DENND4C: variants seen among roughly 807,000 people sequenced by gnomAD.
DENND4C encodes DENN domain-containing protein 4C.
DENND4C carries 108 observed loss-of-function variants against 203.0 expected under a neutral mutation model. The observed-to-expected ratio is 0.53, with a 90% CI of 0.46 to 0.62. The LOEUF is 0.62. DENND4C is among the 20% of genes least tolerant of loss of function. DENND4C has a pLI of 0.00. For synonymous variants in DENND4C, 871 were observed against 792.4 expected (o/e 1.10, Z -1.67); for missense variants, 2,481 against 2,301.2 (o/e 1.08, Z -1.60).
At position 19,346,728 on chromosome 9, in the gene DENND4C, A is replaced by G. The variant is rs140623138; in HGVS notation, c.3959A>G (p.His1320Arg). 22 of 1,614,216 alleles carry G rather than the reference A, an allele frequency of 1.4e-5. No homozygotes were observed. Among genetic ancestry groups the G allele is most frequent in the East Asian group, 4.5e-5 (2 of 44,876 alleles). Residue 1320 changes from histidine (H) to arginine (R), a missense_variant, in exon 23 of 33, where the codon CAT becomes CGT. Physicochemically the swap from His to Arg is conservative, Grantham distance 29. Transcript: ENST00000434457. The part of the protein sequence containing the change: ...RESGMTTAFI[H>R]ALERRSSLPL... ...TCTGGCATGACTACTGCATTTATTCATGCTCTAGAGAGGAGATCAAGCCTA... is the reference window on the plus strand; with the variant it reads ...TCTGGCATGACTACTGCATTTATTCGTGCTCTAGAGAGGAGATCAAGCCTA...
At position 19,372,314 on chromosome 9, in the gene DENND4C, T is replaced by A. The variant is rs1030061288; in HGVS notation, c.*141T>A. The stretch of plus-strand genomic sequence containing the variant: ...CTTGGGGACAATATATAATGAATTA[T>A]GATTCATATTGCATTACCTTGAAAT... On this transcript the variant is annotated 3_prime_UTR_variant, in exon 33 of 33. Transcript: ENST00000434457. 1.0e-6 allele frequency: 1 copy of A among 996,458 alleles called. No individual in the cohort carries two copies. Among genetic ancestry groups the A allele is most frequent in the Non-Finnish European group, 1.4e-6 (1 of 691,630 alleles). The allele number at this position is 996,458 out of a possible 1,614,324, so 61.7% of individuals were successfully genotyped here.
rs569320488 is a variant in DENND4C at position 19,273,881 on chromosome 9, C to G, written c.-17-2277C>G. Among the ~76,000 whole-genome samples the G allele has an allele frequency of 1.3e-3, 204 of 152,116 alleles. 4 individuals are homozygous for G. Among genetic ancestry groups the G allele is most frequent in the African/African-American group, 4.6e-3 (191 of 41,378 alleles). On this transcript the variant is annotated intron_variant, in intron 1 of 32. Coordinates refer to ENST00000434457, the MANE Select transcript of DENND4C (RefSeq NM_001330640.2). Reference sequence around the variant, plus strand: ...AGGTAGTTTTTTAGAACTATATACACCTAATCCAGCCATCCTGTTTTAGGA... The same window carrying G: ...AGGTAGTTTTTTAGAACTATATACAGCTAATCCAGCCATCCTGTTTTAGGA...
intron 1 of DENND4C, among the ~76,000 whole-genome samples, chr9:19,239,577 C>A (rs1023049453): frequency 2.0e-5 from 3 of 152,060 alleles, no homozygotes; most frequent in African/African-American, 7.2e-5. Context: ...ACCTCCACCT[C>A]CCAGATTCAA....
At chr9:19,335,165 C>G in intron 18 of DENND4C, 60 bp downstream of exon 18, 1 of 1,242,686 alleles carries the variant, frequency 8.0e-7, no homozygotes, top group Non-Finnish European at 1.1e-6. Flanking sequence ...ATTTTGTATA[C>G]CTTTAGTTAT....
In DENND4C at chr9:19,307,888, A is replaced by C. The variant is rs1222066271; in HGVS notation, c.1487+2361A>C. Reference sequence around the variant, plus strand: ...GCTCCAGATCCAACCATCATCTTGGATAAACTCCAAATCCAACCATCATCT... The same window carrying C: ...GCTCCAGATCCAACCATCATCTTGGCTAAACTCCAAATCCAACCATCATCT... On this transcript the variant is annotated intron_variant, in intron 10 of 32. Coordinates refer to ENST00000434457, the MANE Select transcript of DENND4C (RefSeq NM_001330640.2). 2.0e-5 allele frequency among the ~76,000 whole-genome samples: 3 copies of C among 152,064 alleles called. No individual in the cohort carries two copies. The East Asian group carries it at 5.8e-4, about 29-fold the overall frequency.
chr9:19,274,546 C>T (rs185556542), intron 1 of DENND4C, among the ~76,000 whole-genome samples: 29 of 152,308 alleles, frequency 1.9e-4, no homozygotes, highest in Admixed American at 1.3e-3. Context: ...GCACCCTCCT[C>T]GGCCTTCCAA....
chr9:19,343,337 A>G (rs1822091377), intron 22 of DENND4C, among the ~76,000 whole-genome samples: 1 of 152,130 alleles, frequency 6.6e-6, no homozygotes, highest in Admixed American at 6.6e-5. Context: ...TACTTTCATT[A>G]TATATATAGG....
chr9:19,285,578 T>TTTG (rs963219056), intron 2 of DENND4C, among the ~76,000 whole-genome samples: 1 of 149,732 alleles, frequency 6.7e-6, no homozygotes, highest in African/African-American at 2.4e-5. Flanking sequence ...CTTTGTGACT[T>TTTG]TTTTTTTTTT....
At position 19,316,412 on chromosome 9, in the gene DENND4C, A is replaced by G. The variant is rs771661498; in HGVS notation, c.1488-5A>G. 1.9e-6 allele frequency: 3 copies of G among 1,610,128 alleles called. No individual in the cohort carries two copies. The South Asian group carries it at 3.3e-5, about 18-fold the overall frequency. Reference sequence around the variant, plus strand: ...CATTTTATGAATTTTGTTCTGATTTAATAGATCAGATGAAAAGAAGAACAT... The same window carrying G: ...CATTTTATGAATTTTGTTCTGATTTGATAGATCAGATGAAAAGAAGAACAT... On this transcript the variant is annotated splice_polypyrimidine_tract_variant and splice_region_variant and intron_variant, in intron 10 of 32. Transcript: ENST00000434457.
chr9:19,287,884 C>T (rs537316977), intron 3 of DENND4C, among the ~76,000 whole-genome samples: 1 of 152,300 alleles, frequency 6.6e-6, no homozygotes, highest in Admixed American at 6.5e-5. Context: ...GGGCGTGCGC[C>T]ACTACGCCCA....
At chr9:19,268,087 T>C (rs963672042) in intron 1 of DENND4C, among the ~76,000 whole-genome samples, 1 of 140,876 alleles carries the variant, frequency 7.1e-6, no homozygotes, top group Non-Finnish European at 1.6e-5. Flanking sequence ...TGTGTATGTG[T>C]TGTAGGTTTT....
intron 20 of DENND4C, among the ~76,000 whole-genome samples, chr9:19,338,972 A>G (rs1449113653): frequency 1.3e-5 from 2 of 152,088 alleles, no homozygotes; most frequent in Non-Finnish European, 2.9e-5. Flanking sequence ...TTTAAAGTAT[A>G]GAAGTATAAA....
chr9:19,343,183 C>A (rs1003274782), intron 22 of DENND4C, among the ~76,000 whole-genome samples: 2 of 152,132 alleles, frequency 1.3e-5, no homozygotes, highest in Non-Finnish European at 2.9e-5. Flanking sequence ...GAAAAAGATT[C>A]ACGTCATTTC....
At chr9:19,284,252 GTA>G (rs1319762866) in intron 2 of DENND4C, among the ~76,000 whole-genome samples, 2 of 152,240 alleles carry the variant, frequency 1.3e-5, no homozygotes, top group East Asian at 3.9e-4. Context: ...TCACCTAAGA[GTA>G]TATACTGGCA....
chr9:19,311,392 C>G (rs907874041), intron 10 of DENND4C, among the ~76,000 whole-genome samples: 4 of 152,170 alleles, frequency 2.6e-5, no homozygotes, highest in Admixed American at 6.5e-5. Context: ...TCCTAAAGTC[C>G]TAGAATTATA....
chr9:19,304,812 G>A (rs893105536), intron 9 of DENND4C, among the ~76,000 whole-genome samples: 4 of 151,206 alleles, frequency 2.6e-5, no homozygotes, highest in Non-Finnish European at 5.9e-5. Flanking sequence ...GCCTCCCAAA[G>A]TGCTGGGATT....
intron 1 of DENND4C, among the ~76,000 whole-genome samples, chr9:19,269,810 T>C (rs534445867): frequency 6.6e-6 from 1 of 152,300 alleles, no homozygotes; most frequent in South Asian, 2.1e-4. Flanking sequence ...TCTTGATGCT[T>C]GTGGATGTTT....
rs1048070559 is a variant in DENND4C at position 19,259,085 on chromosome 9, A to G, written c.-17-17073A>G. 2.6e-5 allele frequency among the ~76,000 whole-genome samples: 4 copies of G among 152,158 alleles called. No individual in the cohort carries two copies. In the East Asian group the frequency reaches 7.7e-4, roughly 29 times the overall value. ...GTATCCATCACTTCAAGTGTTTATC[A>G]TTTCTTTGTTCGAACATTCCAATGG... On this transcript the variant is annotated intron_variant, in intron 1 of 32. Coordinates refer to ENST00000434457, the MANE Select transcript of DENND4C (RefSeq NM_001330640.2).
In DENND4C at chr9:19,370,292, T is replaced by A. The variant is rs1828558058; in HGVS notation, c.5675+305T>A. On this transcript the variant is annotated intron_variant, in intron 31 of 32. Coordinates refer to ENST00000434457, the MANE Select transcript of DENND4C (RefSeq NM_001330640.2). ...GACTGAGCAACATAGCAAGACCCCA[T>A]CTCTACAAAAAATAATTTGTCAGGG... 3.3e-5 allele frequency among the ~76,000 whole-genome samples: 5 copies of A among 151,920 alleles called. No homozygotes were observed. In the South Asian group the frequency reaches 1.0e-3, roughly 31 times the overall value.
Sources: gnomAD v4.1 joint callset for allele counts (sites outside exome capture counted in the v4.1 genomes callset) on GRCh38, gnomAD v4.1.1 for gene constraint, MANE v1.5 for transcripts, NCBI Gene and HGNC (gene_info 2026-07-23, HGNC 2026-07-21) for gene names.